Variants in DNAJC11 observed in about 807,000 individuals in gnomAD.
The protein encoded by DNAJC11 is DnaJ heat shock protein family (Hsp40) member C11, also known as dnaJ homolog subfamily C member 11.
In DNAJC11, 15 loss-of-function variants were observed where a neutral mutation model predicts 78.6. That is an observed-to-expected ratio of 0.19 (90% confidence interval 0.13 to 0.29). DNAJC11 has a LOEUF of 0.29. Ranked by LOEUF, DNAJC11 falls within the 10% of genes least tolerant of loss-of-function variation. The probability of loss-of-function intolerance (pLI) is 1.00; values close to 1 mark genes in which losing one functional copy is unlikely to be tolerated. For synonymous variants in DNAJC11, 292 were observed against 272.1 expected (o/e 1.07, Z -0.72); for missense variants, 547 against 709.6 (o/e 0.77, Z 2.60).
At chr1:6,697,155 G>A (rs929999132) in intron 1 of DNAJC11, among the ~76,000 whole-genome samples, 1 of 152,150 alleles carries the variant, frequency 6.6e-6, no homozygotes, top group African/African-American at 2.4e-5. Context: ...CCCAGTGAGT[G>A]ATAAAGTACT....
At chr1:6,677,961 A>G (rs377759040) in intron 3 of DNAJC11, among the ~76,000 whole-genome samples, 7 of 152,242 alleles carry the variant, frequency 4.6e-5, no homozygotes, top group African/African-American at 1.7e-4. Flanking sequence ...CCCATCTGAA[A>G]TATTTCCTCA....
At chr1:6,641,043 A>G (rs112207754) in intron 10 of DNAJC11, among the ~76,000 whole-genome samples, 1,961 of 152,182 alleles carry the variant, frequency 0.013, 25 homozygotes, top group South Asian at 0.028. Flanking sequence ...ACACTCTTCC[A>G]GAATAAAAGC....
At position 6,650,383 on chromosome 1, in the gene DNAJC11, T is replaced by C. The variant is rs140362068; in HGVS notation, c.704+1146A>G. Among the ~76,000 whole-genome samples, 863 of 151,944 alleles carry C rather than the reference T, an allele frequency of 5.7e-3. 6 individuals carry two copies. The highest frequency in any genetic ancestry group is 9.9e-3 in the African/African-American group (412 of 41,452). ...GAGCTTGAGACCAGCCTAGGCAACA[T>C]AGAGATAACTTATCCCTAAAAAAAA... On this transcript the variant is annotated intron_variant, in intron 7 of 15. Transcript: ENST00000377577.
chr1:6,675,327 T>C (rs949471941), intron 3 of DNAJC11, among the ~76,000 whole-genome samples: 2 of 151,288 alleles, frequency 1.3e-5, no homozygotes, highest in African/African-American at 2.4e-5. Flanking sequence ...TATGAGAACC[T>C]GACTTCCTTA....
intron 2 of DNAJC11, among the ~76,000 whole-genome samples, chr1:6,679,628 G>C (rs1642525058): frequency 6.6e-6 from 1 of 152,160 alleles, no homozygotes; most frequent in Non-Finnish European, 1.5e-5. Context: ...GCTGGCCCCT[G>C]GAAAACACAG....
chr1:6,640,399 GTCACATCTCAGTTCTTAAC>G (rs1171384226), intron 10 of DNAJC11, among the ~76,000 whole-genome samples: 16 of 152,360 alleles, frequency 1.1e-4, no homozygotes, highest in Non-Finnish European at 1.6e-4. Flanking sequence ...TCACTGGAGA[GTCACATCTCAGTTCTTAAC>G]TGAGGTTTCC....
In DNAJC11 at chr1:6,653,503, G is replaced by A. The variant is rs557212556; in HGVS notation, c.507+408C>T. On this transcript the variant is annotated intron_variant, in intron 5 of 15. Coordinates refer to ENST00000377577, the MANE Select transcript of DNAJC11 (RefSeq NM_018198.4). The surrounding 1 kb of genome is among the most constrained non-coding windows in gnomAD (Gnocchi z 4.5). ...TAGTGGGCAGAATGGTGACATTTTCGCGTGCCCAGGGCTCAGGATGAGAGC... is the reference window on the plus strand; with the variant it reads ...TAGTGGGCAGAATGGTGACATTTTCACGTGCCCAGGGCTCAGGATGAGAGC... 6.8e-4 allele frequency among the ~76,000 whole-genome samples: 103 copies of A among 152,314 alleles called. 1 individual carries two copies. Among genetic ancestry groups the A allele is most frequent in the Middle Eastern group, 3.4e-3 (1 of 294 alleles).
chr1:6,694,326 A>T (rs1031139107), intron 1 of DNAJC11, among the ~76,000 whole-genome samples: 7 of 152,140 alleles, frequency 4.6e-5, no homozygotes, highest in Admixed American at 6.5e-5. Flanking sequence ...TTGCAGACCA[A>T]ATCATGTCCC....
chr1:6,651,454 TA>T, intron 7 of DNAJC11, 74 bp downstream of exon 7: 1 of 1,311,570 alleles, frequency 7.6e-7, no homozygotes, highest in Non-Finnish European at 1.1e-6. Flanking sequence ...ACCACTGTGA[TA>T]AAAAGAACAC....
intron 7 of DNAJC11, among the ~76,000 whole-genome samples, chr1:6,649,255 C>T (rs1197481156): frequency 6.6e-6 from 1 of 151,948 alleles, no homozygotes; most frequent in Non-Finnish European, 1.5e-5. Context: ...CTGCAAGCTC[C>T]GCCTCCTGGG....
chr1:6,681,501 C>A (rs1642551892), intron 1 of DNAJC11, among the ~76,000 whole-genome samples: 1 of 152,158 alleles, frequency 6.6e-6, no homozygotes, highest in South Asian at 2.1e-4. Context: ...ACTTGTAAGG[C>A]CCACGTGCAC....
rs200838582 is a variant in DNAJC11, at chr1:6,637,194, G to C, written c.1524+4C>G. On this transcript the variant is annotated splice_donor_region_variant and intron_variant, in intron 14 of 15. Coordinates refer to ENST00000377577, the MANE Select transcript of DNAJC11 (RefSeq NM_018198.4). ...ATAGCATGTGGTGGCTGGTGCTGCT[G>C]TACCTTGGAGGCCTCCGTGAGGATG... 3.1e-6 allele frequency: 5 copies of C among 1,614,154 alleles called. No individual in the cohort carries two copies. The African/African-American group carries it at 5.3e-5, about 17-fold the overall frequency.
intron 10 of DNAJC11, among the ~76,000 whole-genome samples, 162 bp from the exon 11 acceptor site, chr1:6,640,219 C>G (rs1641854090): frequency 6.6e-6 from 1 of 152,152 alleles, no homozygotes; most frequent in South Asian, 2.1e-4. Flanking sequence ...CACCTTCTGG[C>G]CTCCCGTTCC....
intron 7 of DNAJC11, among the ~76,000 whole-genome samples, chr1:6,649,404 C>T (rs1051788360): frequency 4.6e-5 from 7 of 152,080 alleles, no homozygotes; most frequent in East Asian, 1.9e-4. Context: ...CTCCTGATCT[C>T]GTGATCCACC....
At chr1:6,668,990 C>G (rs1557480019) in intron 3 of DNAJC11, among the ~76,000 whole-genome samples, 1 of 151,584 alleles carries the variant, frequency 6.6e-6, no homozygotes, top group East Asian at 2.0e-4. Flanking sequence ...AGTTCAAGAC[C>G]AACCTGGCCA....
rs755935506 is a variant in DNAJC11 at position 6,638,378 on chromosome 1, A to G, written c.1254-14T>C. 6 of 1,611,770 alleles carry G rather than the reference A, an allele frequency of 3.7e-6. No homozygotes were observed. Among genetic ancestry groups the G allele is most frequent in the Middle Eastern group, 1.7e-4 (1 of 5,884 alleles). On this transcript the variant is annotated splice_polypyrimidine_tract_variant and intron_variant, in intron 11 of 15. Coordinates refer to ENST00000377577, the MANE Select transcript of DNAJC11 (RefSeq NM_018198.4). ...TTCTCCAATTCCCTTACGCGAGAGGAACACAAGCCCCACGTTAGCGCGGCG... is the reference window on the plus strand; with the variant it reads ...TTCTCCAATTCCCTTACGCGAGAGGGACACAAGCCCCACGTTAGCGCGGCG...
In DNAJC11 at chr1:6,680,726, G is replaced by A. The variant is rs1456362548; in HGVS notation, c.202+182C>T. On this transcript the variant is annotated intron_variant, in intron 2 of 15. Coordinates refer to ENST00000377577, the MANE Select transcript of DNAJC11 (RefSeq NM_018198.4). This position sits in a 1 kb window ranked among gnomAD's most constrained non-coding sequence, Gnocchi z 4.0. Reference sequence around the variant, plus strand: ...CTCTCATTTTCTACTTACTGGACACGTATTGATTTCCAAAGCAAAATACTA... The same window carrying A: ...CTCTCATTTTCTACTTACTGGACACATATTGATTTCCAAAGCAAAATACTA... Among the ~76,000 whole-genome samples, 1 of 152,182 alleles carries A rather than the reference G, an allele frequency of 6.6e-6. No homozygotes were observed. Among genetic ancestry groups the A allele is most frequent in the Non-Finnish European group, 1.5e-5 (1 of 68,034 alleles).
intron 3 of DNAJC11, among the ~76,000 whole-genome samples, chr1:6,677,917 TCTG>T (rs1466790208): frequency 6.6e-6 from 1 of 152,236 alleles, no homozygotes; most frequent in East Asian, 1.9e-4. Flanking sequence ...CCCCAGCAAC[TCTG>T]CTTCCATTTT....
At chr1:6,682,267 A>T (rs976001784) in intron 1 of DNAJC11, among the ~76,000 whole-genome samples, 1 of 151,618 alleles carries the variant, frequency 6.6e-6, no homozygotes, top group African/African-American at 2.4e-5. Flanking sequence ...AGCAAAAAAA[A>T]TACAATTTTA....
Sources: allele counts gnomAD v4.1 joint callset (sites outside exome capture counted in the v4.1 genomes callset), GRCh38; gene constraint gnomAD v4.1.1; non-coding constraint Gnocchi (gnomAD v3.1); transcripts MANE v1.5; gene names NCBI Gene and HGNC (gene_info 2026-07-23, HGNC 2026-07-21).